Variants in SPINT2 observed in about 807,000 individuals in gnomAD.
SPINT2 encodes serine peptidase inhibitor, Kunitz type 2, also known as kunitz-type protease inhibitor 2.
SPINT2 carries 18 observed loss-of-function variants against 30.1 expected under a neutral mutation model. That is an observed-to-expected ratio of 0.60 (90% CI 0.41 to 0.89). SPINT2 has a LOEUF of 0.89. Ranked by LOEUF, SPINT2 falls within the 40% of genes least tolerant of loss-of-function variation. The pLI is 0.00. For synonymous variants in SPINT2, 139 were observed against 137.9 expected (o/e 1.01, Z -0.05); for missense variants, 276 against 334.3 (o/e 0.83, Z 1.36).
At chr19:38,279,751 T>A (rs765780773) in intron 1 of SPINT2, among the ~76,000 whole-genome samples, 26 of 152,172 alleles carry the variant, frequency 1.7e-4, no homozygotes, top group Non-Finnish European at 2.9e-4. Context: ...CCTTGCGGGC[T>A]CAAGTGATTC....
At chr19:38,277,022 G>A (rs1231901492) in intron 1 of SPINT2, among the ~76,000 whole-genome samples, 2 of 151,848 alleles carry the variant, frequency 1.3e-5, no homozygotes, top group Admixed American at 6.6e-5. Flanking sequence ...GGCTGGTCTC[G>A]AACTCCTAAC....
chr19:38,278,531 A>C (rs748171683), intron 1 of SPINT2, among the ~76,000 whole-genome samples: 3 of 152,218 alleles, frequency 2.0e-5, no homozygotes, highest in Non-Finnish European at 4.4e-5. Flanking sequence ...GCAATAAGTA[A>C]TGCAGCCAGG....
Position 38,290,636 on chromosome 19 carries a change from T to C in SPINT2, c.592+61T>C. On this transcript the variant is annotated intron_variant, in intron 6 of 6. Transcript: ENST00000301244. This position sits in a 1 kb window ranked among gnomAD's most constrained non-coding sequence, Gnocchi z 4.3. ...TGCCTCCTCCCTTCCTTGACTGAGCTCAGCCCTGCCCAGCTGTGGTTTACA... is the reference window on the plus strand; with the variant it reads ...TGCCTCCTCCCTTCCTTGACTGAGCCCAGCCCTGCCCAGCTGTGGTTTACA... 6.3e-7 allele frequency: 1 copy of C among 1,587,734 alleles called. No individual in the cohort carries two copies. The highest frequency in any genetic ancestry group is 8.6e-7 in the Non-Finnish European group (1 of 1,164,082).
At chr19:38,288,069 T>G (rs1276712401) in intron 3 of SPINT2, 134 bp downstream of exon 3, 1 of 1,014,000 alleles carries the variant, frequency 9.9e-7, no homozygotes, top group Admixed American at 1.9e-5. Flanking sequence ...AACCGGGGGC[T>G]CTGCCTGGGC....
chr19:38,282,857 A>G (rs1968594931), intron 1 of SPINT2, among the ~76,000 whole-genome samples: 2 of 152,194 alleles, frequency 1.3e-5, no homozygotes, highest in Non-Finnish European at 2.9e-5. Context: ...AGATCAGGAA[A>G]AGCACGTGTG....
At chr19:38,271,392 T>C (rs1968454438) in intron 1 of SPINT2, among the ~76,000 whole-genome samples, 1 of 151,614 alleles carries the variant, frequency 6.6e-6, no homozygotes, top group African/African-American at 2.4e-5. Flanking sequence ...TCTGGGAGGC[T>C]AAGGCAGGAG....
intron 1 of SPINT2, among the ~76,000 whole-genome samples, chr19:38,281,832 T>C (rs1968584583): frequency 6.6e-6 from 1 of 152,150 alleles, no homozygotes; most frequent in Non-Finnish European, 1.5e-5. Context: ...CATCATCCCC[T>C]AAAGATCCTT....
At chr19:38,289,005 C>A in intron 3 of SPINT2, 133 bp from the exon 4 acceptor site, 2 of 802,922 alleles carry the variant, frequency 2.5e-6, no homozygotes, top group Non-Finnish European at 2.2e-6. Context: ...GCAGAGCCGG[C>A]CATGGAAGGG....
intron 4 of SPINT2, chr19:38,289,827 T>C: frequency 2.2e-6 from 1 of 459,364 alleles, no homozygotes; most frequent in Non-Finnish European, 4.0e-6. Flanking sequence ...AGTTCCCATG[T>C]ATAAAATGAA....
intron 2 of SPINT2, among the ~76,000 whole-genome samples, chr19:38,286,453 C>G (rs943947184): frequency 5.9e-5 from 9 of 152,208 alleles, no homozygotes; most frequent in African/African-American, 1.9e-4. Context: ...TTCCCTCCAT[C>G]TTGGACGAGG....
chr19:38,264,776 C>T lies in SPINT2; in HGVS notation c.-117C>T. 2 of 1,105,608 alleles carry T rather than the reference C, an allele frequency of 1.8e-6. No homozygotes were observed. Among genetic ancestry groups the T allele is most frequent in the Non-Finnish European group, 2.6e-6 (2 of 771,608 alleles). The allele number at this position is 1,105,608 out of a possible 1,614,324, so 68.5% of individuals were successfully genotyped here. On this transcript the variant is annotated 5_prime_UTR_variant, in exon 1 of 7. Transcript: ENST00000301244. ...TGGCACCTGGCGGACCCTCCCGGAGCGTCGGCACCTGAACGCGAGGCGCTC... is the reference window on the plus strand; with the variant it reads ...TGGCACCTGGCGGACCCTCCCGGAGTGTCGGCACCTGAACGCGAGGCGCTC...
At chr19:38,268,766 C>CGTGTGT (rs10526704) in intron 1 of SPINT2, among the ~76,000 whole-genome samples, 362 of 149,918 alleles carry the variant, frequency 2.4e-3, no homozygotes, top group South Asian at 8.9e-3. Context: ...TGCGCGCGCG[C>CGTGTGT]GTGTGTGTGT....
intron 1 of SPINT2, among the ~76,000 whole-genome samples, chr19:38,268,921 A>G (rs1968414617): frequency 6.6e-6 from 1 of 152,030 alleles, no homozygotes; most frequent in Non-Finnish European, 1.5e-5. Flanking sequence ...ATGTTGCTCA[A>G]CACCAGGCCA....
chr19:38,269,691 A>G (rs1180686419), intron 1 of SPINT2, among the ~76,000 whole-genome samples: 1 of 149,358 alleles, frequency 6.7e-6, no homozygotes, highest in Non-Finnish European at 1.5e-5. Flanking sequence ...GCTCACTGCA[A>G]GCTCCGCCTC....
At chr19:38,279,642 A>G (rs1353289598) in intron 1 of SPINT2, among the ~76,000 whole-genome samples, 4 of 152,080 alleles carry the variant, frequency 2.6e-5, no homozygotes, top group Non-Finnish European at 5.9e-5. Context: ...CTTAATAAAG[A>G]GACTTTTTCT....
chr19:38,287,798 C>A, intron 2 of SPINT2, 78 bp from the exon 3 acceptor site: 1 of 1,503,246 alleles, frequency 6.7e-7, no homozygotes, highest in Non-Finnish European at 9.3e-7. Flanking sequence ...GTGAGAGGCG[C>A]ACAGGGCCAG....
At chr19:38,268,552 A>G (rs1457174855) in intron 1 of SPINT2, among the ~76,000 whole-genome samples, 2 of 152,212 alleles carry the variant, frequency 1.3e-5, no homozygotes, top group Non-Finnish European at 1.5e-5. Flanking sequence ...GCAGGAGCCG[A>G]GTACCTCTTT....
intron 1 of SPINT2, among the ~76,000 whole-genome samples, chr19:38,270,356 T>C (rs923829359): frequency 1.3e-5 from 2 of 152,220 alleles, no homozygotes; most frequent in African/African-American, 4.8e-5. Context: ...GTTCGAAATC[T>C]TATTCACTGA....
At chr19:38,284,109 G>A (rs1158126977) in intron 2 of SPINT2, among the ~76,000 whole-genome samples, 1 of 151,990 alleles carries the variant, frequency 6.6e-6, no homozygotes, top group Non-Finnish European at 1.5e-5. Flanking sequence ...CCAAAGTGCT[G>A]GGATTACAGG....
Sources: gnomAD v4.1 joint callset for allele counts (sites outside exome capture counted in the v4.1 genomes callset) on GRCh38, gnomAD v4.1.1 for gene constraint, Gnocchi (gnomAD v3.1) non-coding constraint, MANE v1.5 for transcripts, NCBI Gene and HGNC (gene_info 2026-07-23, HGNC 2026-07-21) for gene names.